The following PTPRM variants were observed in gnomAD, a reference collection of about 807,000 sequenced individuals.
PTPRM encodes the protein receptor-type tyrosine-protein phosphatase mu.
Under a neutral mutation model 186.7 loss-of-function variants are expected in PTPRM, and 47 were observed. The ratio of observed to expected loss-of-function variants is 0.25; its 90% CI spans 0.20 to 0.32. PTPRM has a LOEUF of 0.32. PTPRM is among the 10% of genes least tolerant of loss of function. The pLI, the probability that PTPRM is intolerant of heterozygous loss-of-function variation, is 1.00. For synonymous variants in PTPRM, 668 were observed against 674.9 expected (o/e 0.99, Z 0.16); for missense variants, 1,494 against 1,865.0 (o/e 0.80, Z 3.66).
intron 1 of PTPRM, among the ~76,000 whole-genome samples, chr18:7,688,211 A>G (rs1163354703): frequency 6.6e-6 from 1 of 152,172 alleles, no homozygotes; most frequent in Non-Finnish European, 1.5e-5. Flanking sequence ...CACTTTTGAA[A>G]GACTTACATT....
At chr18:7,945,190 A>G (rs1017940479) in intron 5 of PTPRM, among the ~76,000 whole-genome samples, 14 of 151,948 alleles carry the variant, frequency 9.2e-5, no homozygotes, top group Admixed American at 3.9e-4. Context: ...GTGGTGGCTC[A>G]CGCCTGTAAT....
intron 14 of PTPRM, among the ~76,000 whole-genome samples, chr18:8,171,457 A>G (rs2093399451): frequency 6.6e-6 from 1 of 152,182 alleles, no homozygotes; most frequent in African/African-American, 2.4e-5. Flanking sequence ...GACTATGAGA[A>G]ATGAGGAAAT....
chr18:8,031,991 A>G (rs1600167370), intron 7 of PTPRM, among the ~76,000 whole-genome samples: 1 of 152,212 alleles, frequency 6.6e-6, no homozygotes, highest in Non-Finnish European at 1.5e-5. Flanking sequence ...TTAGGGAACT[A>G]TTTGTCTATT....
At chr18:7,732,201 C>T (rs1025807976) in intron 1 of PTPRM, among the ~76,000 whole-genome samples, 3 of 152,292 alleles carry the variant, frequency 2.0e-5, no homozygotes, top group Admixed American at 1.3e-4. Flanking sequence ...GAAGGTTCAA[C>T]ATACCTTCCC....
chr18:8,069,326 A>C (rs2089314414), intron 7 of PTPRM, among the ~76,000 whole-genome samples: 1 of 152,286 alleles, frequency 6.6e-6, no homozygotes, highest in African/African-American at 2.4e-5. Context: ...ATGGTTCACC[A>C]TGGCTGCCTG....
At chr18:8,330,699 T>A (rs114148580) in intron 22 of PTPRM, among the ~76,000 whole-genome samples, 2,170 of 150,708 alleles carry the variant, frequency 0.014, 56 homozygotes, top group African/African-American at 0.05. Context: ...TCTGTTCCCC[T>A]CTTTACAGCA....
At chr18:7,839,803 A>C (rs1435090233) in intron 2 of PTPRM, among the ~76,000 whole-genome samples, 1 of 151,988 alleles carries the variant, frequency 6.6e-6, no homozygotes, top group Non-Finnish European at 1.5e-5. Context: ...CTGCCTTTCA[A>C]GTTTGGGTTC....
chr18:8,230,952 A>G (rs1021162712), intron 14 of PTPRM, among the ~76,000 whole-genome samples: 2 of 152,218 alleles, frequency 1.3e-5, no homozygotes, highest in Admixed American at 1.3e-4. Context: ...AATAAAAAAT[A>G]AACACTTATT....
At chr18:8,228,142 A>C (rs556938420) in intron 14 of PTPRM, among the ~76,000 whole-genome samples, 1 of 152,224 alleles carries the variant, frequency 6.6e-6, no homozygotes, top group South Asian at 2.1e-4. Flanking sequence ...GGAGGGATCT[A>C]TTTGCAGGTG....
intron 14 of PTPRM, among the ~76,000 whole-genome samples, chr18:8,156,668 ATGCACC>A (rs1400722038): frequency 6.6e-6 from 1 of 152,238 alleles, no homozygotes; most frequent in Non-Finnish European, 1.5e-5. Context: ...AAACTCAAAC[ATGCACC>A]TTGCTCTGTA....
rs150551288 is a variant in PTPRM at position 8,380,377 on chromosome 18, G to A, written c.3868G>A (p.Asp1290Asn). Residue 1290 changes from aspartate to asparagine, a missense_variant, in exon 29 of 33, where the codon GAT (aspartate) becomes AAT (asparagine). Asp to Asn is a conservative substitution (Grantham distance 23). Transcript: ENST00000580170. ...GAAAGACTTTTGGAGACTGGTCCTG[G>A]ATTATCACTGCACATCCGTAGTTAT... ...TVKDFWRLVLDYHCTSVVMLN... is the reference protein window; with the variant it reads ...TVKDFWRLVLNYHCTSVVMLN... 1 of 1,614,082 alleles carries A rather than the reference G, an allele frequency of 6.2e-7. No individual in the cohort carries two copies. Among genetic ancestry groups the A allele is most frequent in the African/African-American group, 1.3e-5 (1 of 74,920 alleles).
chr18:7,704,284 T>C (rs1274390858), intron 1 of PTPRM, among the ~76,000 whole-genome samples: 1 of 152,204 alleles, frequency 6.6e-6, no homozygotes, highest in Non-Finnish European at 1.5e-5. Context: ...AGAATTCAAC[T>C]GTGAATCCAT....
chr18:7,614,132 T>A (rs2037746537), intron 1 of PTPRM, among the ~76,000 whole-genome samples: 2 of 152,188 alleles, frequency 1.3e-5, no homozygotes, highest in African/African-American at 2.4e-5. Flanking sequence ...AGAGAACATG[T>A]GTTAAATGAA....
chr18:8,152,312 A>C (rs2093027061), intron 14 of PTPRM, among the ~76,000 whole-genome samples: 1 of 152,192 alleles, frequency 6.6e-6, no homozygotes, highest in African/African-American at 2.4e-5. Flanking sequence ...AAGGAATATC[A>C]AGGATGAAGG....
Position 8,335,097 on chromosome 18 carries a change from A to G in PTPRM, c.2957-8326A>G, listed in dbSNP as rs547921041. ...TTAGTCATGTTTTTTAGTATCTGTCATGGTTGTCTTCCACTCCTAAAATCT... is the reference window on the plus strand; with the variant it reads ...TTAGTCATGTTTTTTAGTATCTGTCGTGGTTGTCTTCCACTCCTAAAATCT... On this transcript the variant is annotated intron_variant, in intron 22 of 32. Transcript: ENST00000580170. Among the ~76,000 whole-genome samples, 6 of 152,290 alleles carry G rather than the reference A, an allele frequency of 3.9e-5. No homozygotes were observed. The East Asian group carries it at 9.6e-4, about 24-fold the overall frequency.
At chr18:8,072,812 C>G (rs2089569005) in intron 8 of PTPRM, among the ~76,000 whole-genome samples, 1 of 152,088 alleles carries the variant, frequency 6.6e-6, no homozygotes, top group Non-Finnish European at 1.5e-5. Context: ...TATCCCAGAT[C>G]CTGAATTCCC....
At chr18:8,139,950 A>G (rs965180742) in intron 13 of PTPRM, among the ~76,000 whole-genome samples, 5 of 152,214 alleles carry the variant, frequency 3.3e-5, no homozygotes, top group Non-Finnish European at 7.3e-5. Context: ...TTCCTTAAAC[A>G]GTGCTTGGCA....
chr18:7,685,398 A>G (rs749539506), intron 1 of PTPRM, among the ~76,000 whole-genome samples: 10 of 152,210 alleles, frequency 6.6e-5, no homozygotes, highest in Non-Finnish European at 1.2e-4. Context: ...GAGATTCTTA[A>G]AGATGATAGT....
At chr18:8,272,719 T>G (rs1419554470) in intron 19 of PTPRM, among the ~76,000 whole-genome samples, 1 of 152,116 alleles carries the variant, frequency 6.6e-6, no homozygotes, top group Admixed American at 6.6e-5. Flanking sequence ...TACATAATGT[T>G]TTCTTAAATA....
Sources: gnomAD v4.1 joint callset for allele counts (sites outside exome capture counted in the v4.1 genomes callset) on GRCh38, gnomAD v4.1.1 for gene constraint, MANE v1.5 for transcripts, NCBI Gene and HGNC (gene_info 2026-07-23, HGNC 2026-07-21) for gene names.